SATB1: variants seen among roughly 807,000 people sequenced by gnomAD.
The protein encoded by SATB1 is SATB homeobox 1.
Under a neutral mutation model 86.9 loss-of-function variants are expected in SATB1, and 11 were observed. The observed-to-expected ratio is 0.13, with a 90% CI of 0.08 to 0.21. The LOEUF (loss-of-function observed/expected upper bound fraction) is 0.21. Among genes scored for constraint, SATB1 ranks in the 10% least tolerant of loss-of-function variants. The pLI, the probability that SATB1 is intolerant of heterozygous loss-of-function variation, is 1.00. For missense variants in SATB1, 551 were observed against 937.6 expected, an observed-to-expected ratio of 0.59 and a Z score of 5.39; for synonymous variants, 357 against 357.2, an observed-to-expected ratio of 1.00 and a Z score of 0.01.
upstream of SATB1, among the ~76,000 whole-genome samples, chr3:18,441,368 A>G (rs1699240427): frequency 6.6e-6 from 1 of 152,156 alleles, no homozygotes. Flanking sequence ...GGAGGTTTCT[A>G]TTTATAACAT....
intron 9 of SATB1, among the ~76,000 whole-genome samples, chr3:18,358,619 C>T (rs1330348393): frequency 6.6e-6 from 1 of 151,886 alleles, no homozygotes; most frequent in Non-Finnish European, 1.5e-5. Flanking sequence ...ACATTACATC[C>T]ACTTGATTCA....
chr3:18,380,453 T>A (rs918458302), intron 8 of SATB1, among the ~76,000 whole-genome samples: 1 of 152,096 alleles, frequency 6.6e-6, no homozygotes, highest in Non-Finnish European at 1.5e-5. Flanking sequence ...TTTTTTATTT[T>A]AAAGCAATTA....
At chr3:18,445,528 G>A (rs2125218305) in exon 1 of SATB1, 1 of 985,620 alleles carries the variant, frequency 1.0e-6, no homozygotes. Flanking sequence ...CTCTCCGGGG[G>A]CCCCCAACAC....
chr3:18,412,460 T>A (rs1343887172), intron 5 of SATB1, among the ~76,000 whole-genome samples: 7 of 152,212 alleles, frequency 4.6e-5, no homozygotes, highest in Middle Eastern at 3.4e-3. Flanking sequence ...TTAGGGCCCC[T>A]GTAGCCATAC....
At chr3:18,439,734 A>G (rs1013061702), upstream of SATB1, among the ~76,000 whole-genome samples, 4 of 152,226 alleles carry the variant, frequency 2.6e-5, no homozygotes. Flanking sequence ...AGTTAAGTGT[A>G]ACCGCTTTTT....
chr3:18,378,133 C>T, intron 9 of SATB1, 37 bp downstream of exon 9: 1 of 1,520,522 alleles, frequency 6.6e-7, no homozygotes, highest in Non-Finnish European at 8.8e-7. Flanking sequence ...ACAGGCAACA[C>T]AGATAAACAT....
At chr3:18,367,157 C>A (rs1158178338) in intron 9 of SATB1, among the ~76,000 whole-genome samples, 1 of 152,156 alleles carries the variant, frequency 6.6e-6, no homozygotes, top group Non-Finnish European at 1.5e-5. Flanking sequence ...CTTTGCAGTT[C>A]CCAATGTTTT....
intron 3 of SATB1, 80 bp downstream of exon 3, chr3:18,416,822 T>C (rs1575164759): frequency 1.5e-6 from 2 of 1,357,770 alleles, no homozygotes; most frequent in Non-Finnish European, 2.0e-6. Context: ...GTTCTTTGAA[T>C]AAAAATATTC....
At chr3:18,368,034 C>T (rs1695273610) in intron 9 of SATB1, among the ~76,000 whole-genome samples, 1 of 152,174 alleles carries the variant, frequency 6.6e-6, no homozygotes, top group East Asian at 1.9e-4. Context: ...TATTTACCTC[C>T]ACTTTTCTTA....
upstream of SATB1, among the ~76,000 whole-genome samples, chr3:18,442,381 T>C (rs1221398252): frequency 6.6e-6 from 1 of 152,226 alleles, no homozygotes; most frequent in Non-Finnish European, 1.5e-5. Flanking sequence ...ACTGTTTAAA[T>C]ATTATGTATT....
intron 9 of SATB1, 39 bp downstream of exon 9, chr3:18,378,131 C>A: frequency 6.6e-7 from 1 of 1,510,040 alleles, no homozygotes; most frequent in Non-Finnish European, 8.8e-7. Flanking sequence ...CTACAGGCAA[C>A]ACAGATAAAC....
intron 8 of SATB1, among the ~76,000 whole-genome samples, chr3:18,384,175 A>G (rs1696203383): frequency 6.6e-6 from 1 of 152,224 alleles, no homozygotes; most frequent in African/African-American, 2.4e-5. Context: ...ACAACCAGTT[A>G]ACCAATAATT....
chr3:18,411,933 T>C (rs1245930024), intron 5 of SATB1, among the ~76,000 whole-genome samples: 1 of 152,062 alleles, frequency 6.6e-6, no homozygotes, highest in Non-Finnish European at 1.5e-5. Flanking sequence ...GAAAACCTTA[T>C]GAATATCATC....
chr3:18,412,217 A>G (rs936385558), intron 5 of SATB1, among the ~76,000 whole-genome samples: 5 of 152,054 alleles, frequency 3.3e-5, no homozygotes, highest in African/African-American at 9.7e-5. Context: ...GGCTCCTTCA[A>G]TTATCAAAAG....
intron 9 of SATB1, among the ~76,000 whole-genome samples, chr3:18,363,116 T>A (rs1253172578): frequency 6.6e-6 from 1 of 152,072 alleles, no homozygotes; most frequent in Non-Finnish European, 1.5e-5. Context: ...AATTAAAAAT[T>A]TAAATATTCC....
intron 9 of SATB1, among the ~76,000 whole-genome samples, chr3:18,374,345 C>T (rs1695630815): frequency 6.6e-6 from 1 of 152,074 alleles, no homozygotes; most frequent in Non-Finnish European, 1.5e-5. Flanking sequence ...TGGTTATTAC[C>T]CAAATCAACT....
At chr3:18,432,078 T>G (rs1441980352) in intron 2 of SATB1, among the ~76,000 whole-genome samples, 2 of 152,188 alleles carry the variant, frequency 1.3e-5, no homozygotes, top group Non-Finnish European at 1.5e-5. Flanking sequence ...ATGATTTTTC[T>G]CTCAGACAAC....
upstream of SATB1, among the ~76,000 whole-genome samples, chr3:18,443,240 T>C (rs1699286812): frequency 6.6e-6 from 1 of 152,218 alleles, no homozygotes; most frequent in Admixed American, 6.5e-5. The surrounding 1 kb of genome is among the most constrained non-coding windows in gnomAD (Gnocchi z 4.4). Flanking sequence ...TTACTCATTC[T>C]TACCCTACCC....
At position 18,352,696 on chromosome 3, in the gene SATB1, C is replaced by G. The variant is rs995284979; in HGVS notation, c.1576-501G>C. 1 of 158,948 alleles carries G rather than the reference C, an allele frequency of 6.3e-6. No homozygotes were observed. The highest frequency in any genetic ancestry group is 2.4e-5 in the African/African-American group (1 of 41,468). The allele number at this position is 158,948 out of a possible 1,614,324, so 9.8% of individuals were successfully genotyped here. A position where few individuals can be genotyped will look rare whatever the true frequency, so the allele number is the denominator to read the frequency against. On this transcript the variant is annotated intron_variant, in intron 9 of 10. Transcript: ENST00000338745. This position sits in a 1 kb window ranked among gnomAD's most constrained non-coding sequence, Gnocchi z 4.1. The stretch of plus-strand genomic sequence containing the variant: ...GTGTACATGTATGAAACAGAAAGGA[C>G]AGGTGCAATTACACCAGCAAGAATG...
Sources: allele counts gnomAD v4.1 joint callset (sites outside exome capture counted in the v4.1 genomes callset), GRCh38; gene constraint gnomAD v4.1.1; non-coding constraint Gnocchi (gnomAD v3.1); transcripts MANE v1.5; gene names NCBI Gene and HGNC (gene_info 2026-07-23, HGNC 2026-07-21).